COG5: variants seen among roughly 807,000 people sequenced by gnomAD.
COG5 encodes conserved oligomeric Golgi complex subunit 5.
Under a neutral mutation model 110.4 loss-of-function variants are expected in COG5, and 86 were observed. The ratio of observed to expected loss-of-function variants is 0.78; its 90% CI spans 0.65 to 0.93. The LOEUF is 0.93. Ranked by LOEUF, COG5 falls within the 40% of genes least tolerant of loss-of-function variation. The probability of loss-of-function intolerance (pLI) is 0.00; values close to 1 mark genes in which losing one functional copy is unlikely to be tolerated. For synonymous variants in COG5, 360 were observed against 334.6 expected (o/e 1.08, Z -0.83); for missense variants, 1,077 against 987.0 (o/e 1.09, Z -1.22).
intron 10 of COG5, among the ~76,000 whole-genome samples, chr7:107,361,722 C>T (rs537103572): frequency 1.2e-4 from 19 of 152,094 alleles, no homozygotes; most frequent in Non-Finnish European, 1.8e-4. Context: ...CCACCACGCC[C>T]GGCTAATTTT....
At chr7:107,320,334 A>C (rs528685341) in intron 11 of COG5, among the ~76,000 whole-genome samples, 33 of 152,372 alleles carry the variant, frequency 2.2e-4, no homozygotes, top group Admixed American at 5.9e-4. Flanking sequence ...AGGGATTTAT[A>C]TCTGTTTACA....
intron 14 of COG5, among the ~76,000 whole-genome samples, chr7:107,276,783 A>G (rs1804734465): frequency 1.3e-5 from 2 of 152,216 alleles, no homozygotes; most frequent in South Asian, 4.1e-4. Flanking sequence ...TTAATCATAA[A>G]ATATTATGAT....
At chr7:107,324,979 T>C (rs972632918) in intron 10 of COG5, among the ~76,000 whole-genome samples, 17 of 152,194 alleles carry the variant, frequency 1.1e-4, no homozygotes, top group Non-Finnish European at 2.1e-4. Flanking sequence ...TATAACAAAA[T>C]GATAGACAAA....
Position 107,323,298 on chromosome 7 carries a change from G to A in COG5, c.1108+1142C>T, listed in dbSNP as rs189579316. Among the ~76,000 whole-genome samples, 244 of 152,266 alleles carry A rather than the reference G, an allele frequency of 1.6e-3. 1 individual carries two copies. The highest frequency in any genetic ancestry group is 5.5e-3 in the African/African-American group (229 of 41,558). On this transcript the variant is annotated intron_variant, in intron 11 of 21. Transcript: ENST00000297135. ...AATCCCAGCACTTTGGGAAGCCAAGGCGGGCCGATCATTTGAGGTCAGGAG... is the reference window on the plus strand; with the variant it reads ...AATCCCAGCACTTTGGGAAGCCAAGACGGGCCGATCATTTGAGGTCAGGAG...
At chr7:107,402,713 G>T (rs1791526621) in intron 7 of COG5, among the ~76,000 whole-genome samples, 1 of 152,212 alleles carries the variant, frequency 6.6e-6, no homozygotes, top group Non-Finnish European at 1.5e-5. Flanking sequence ...AGGAAGAGCT[G>T]CAGGTGGATG....
At chr7:107,371,758 C>T (rs1360827891) in intron 8 of COG5, among the ~76,000 whole-genome samples, 3 of 151,840 alleles carry the variant, frequency 2.0e-5, no homozygotes, top group African/African-American at 7.3e-5. Flanking sequence ...GAAAGAGATG[C>T]AAAGAAAGAA....
intron 16 of COG5, among the ~76,000 whole-genome samples, chr7:107,250,777 G>A (rs767621601): frequency 3.9e-5 from 6 of 152,062 alleles, no homozygotes; most frequent in Non-Finnish European, 7.4e-5. Context: ...AGAATTATAC[G>A]TAGAGATGAC....
At chr7:107,385,603 T>C (rs1248800438) in intron 7 of COG5, among the ~76,000 whole-genome samples, 4 of 152,028 alleles carry the variant, frequency 2.6e-5, no homozygotes, top group African/African-American at 9.7e-5. Context: ...AATAAGCCAG[T>C]CAAAAAAAGA....
intron 6 of COG5, among the ~76,000 whole-genome samples, chr7:107,489,739 T>A (rs1024772220): frequency 2.0e-5 from 3 of 152,152 alleles, no homozygotes; most frequent in Non-Finnish European, 4.4e-5. Context: ...TATCAAAAAC[T>A]TTAAGGGCAT....
rs1803133676 is a variant in COG5, at chr7:107,554,269, G to A, written c.292+16C>T. ...GTCTAGCTCTACATAATCTCTAGCA[G>A]TTATTAGAAATATACCTTCCAACGA... On this transcript the variant is annotated intron_variant, in intron 3 of 21. Coordinates refer to ENST00000297135, the MANE Select transcript of COG5 (RefSeq NM_006348.5). 1.8e-5 allele frequency: 29 copies of A among 1,610,518 alleles called. No individual in the cohort carries two copies. The highest frequency in any genetic ancestry group is 2.2e-5 in the Non-Finnish European group (26 of 1,176,696).
At chr7:107,244,966 C>G (rs1801944225) in intron 17 of COG5, among the ~76,000 whole-genome samples, 1 of 152,138 alleles carries the variant, frequency 6.6e-6, no homozygotes, top group South Asian at 2.1e-4. Context: ...CCAGCATCAT[C>G]TTGATACCAA....
At chr7:107,554,401 A>T in intron 2 of COG5, 59 bp from the exon 3 acceptor site, 1 of 1,412,216 alleles carries the variant, frequency 7.1e-7, no homozygotes, top group Non-Finnish European at 1.0e-6. Context: ...CCTTGTAACC[A>T]CAATGTAGAA....
chr7:107,335,794 T>C (rs1177569318), intron 10 of COG5, among the ~76,000 whole-genome samples: 1 of 152,092 alleles, frequency 6.6e-6, no homozygotes, highest in Admixed American at 6.6e-5. Flanking sequence ...TCTATGCAAC[T>C]GGAAACCAAA....
chr7:107,503,350 G>T (rs1190385354), intron 6 of COG5, among the ~76,000 whole-genome samples: 1 of 151,948 alleles, frequency 6.6e-6, no homozygotes, highest in African/African-American at 2.4e-5. Context: ...TGTTTCATTG[G>T]GTCTATGTGC....
At chr7:107,376,581 T>A (rs558509558) in intron 7 of COG5, among the ~76,000 whole-genome samples, 1 of 152,138 alleles carries the variant, frequency 6.6e-6, no homozygotes, top group African/African-American at 2.4e-5. Flanking sequence ...TTGTTTTGAC[T>A]TTTCTAACTA....
At chr7:107,276,850 T>C (rs542411369) in intron 14 of COG5, among the ~76,000 whole-genome samples, 3 of 152,328 alleles carry the variant, frequency 2.0e-5, no homozygotes, top group Admixed American at 6.5e-5. Flanking sequence ...AAATTAATTA[T>C]AACCTCACAA....
chr7:107,266,829 T>C (rs1329581290), intron 14 of COG5, among the ~76,000 whole-genome samples: 1 of 152,186 alleles, frequency 6.6e-6, no homozygotes, highest in East Asian at 1.9e-4. Context: ...CAGAGAATGA[T>C]TTCATTGCCT....
chr7:107,524,617 T>C (rs1800592881), intron 6 of COG5, among the ~76,000 whole-genome samples: 1 of 152,218 alleles, frequency 6.6e-6, no homozygotes, highest in Non-Finnish European at 1.5e-5. Context: ...TAGCAACTTA[T>C]TTTTCCTTGG....
At chr7:107,398,965 G>A (rs1006234046) in intron 7 of COG5, among the ~76,000 whole-genome samples, 1 of 152,126 alleles carries the variant, frequency 6.6e-6, no homozygotes, top group African/African-American at 2.4e-5. Flanking sequence ...ACTTTGGGAG[G>A]CCGAAGCAGG....
Sources: allele counts gnomAD v4.1 joint callset (sites outside exome capture counted in the v4.1 genomes callset), GRCh38; gene constraint gnomAD v4.1.1; transcripts MANE v1.5; gene names NCBI Gene and HGNC (gene_info 2026-07-23, HGNC 2026-07-21).